Variants in OSBPL3 observed in about 807,000 individuals in gnomAD.
OSBPL3 encodes the protein oxysterol-binding protein-related protein 3.
A neutral mutation model predicts 120.1 loss-of-function variants in OSBPL3; 65 were observed. The observed-to-expected ratio is 0.54, with a 90% CI of 0.44 to 0.67. The LOEUF is 0.67. OSBPL3 is among the 30% of genes least tolerant of loss of function. OSBPL3 has a pLI of 0.00. For missense variants in OSBPL3, 1,004 were observed against 1,082.1 expected (o/e 0.93, Z 1.01); for synonymous variants, 416 against 402.6 (o/e 1.03, Z -0.40).
In OSBPL3 at chr7:24,796,812, A is replaced by G. The variant is rs1344669248; in HGVS notation, c.*3371T>C. 6.6e-6 allele frequency: 1 copy of G among 152,250 alleles called. No homozygotes were observed. The highest frequency in any genetic ancestry group is 2.4e-5 in the African/African-American group (1 of 41,468). The allele number at this position is 152,250 out of a possible 1,614,324, so 9.4% of individuals were successfully genotyped here. A position where few individuals can be genotyped will look rare whatever the true frequency, so the allele number is the denominator to read the frequency against. On this transcript the variant is annotated 3_prime_UTR_variant, in exon 23 of 23. Coordinates refer to ENST00000313367, the MANE Select transcript of OSBPL3 (RefSeq NM_015550.4). This position sits in a 1 kb window ranked among gnomAD's most constrained non-coding sequence, Gnocchi z 5.2. ...CACTTTAGACTGTCATGATTTGCAG[A>G]TATTTACATGACGCAGGTTTCCAAC... is the stretch of plus-strand genomic sequence containing the variant.
At chr7:24,905,640 G>C (rs1430695650) in intron 1 of OSBPL3, among the ~76,000 whole-genome samples, 1 of 152,164 alleles carries the variant, frequency 6.6e-6, no homozygotes, top group East Asian at 1.9e-4. Context: ...CACGCGTCCA[G>C]GGCTAAGAGT....
intron 2 of OSBPL3, among the ~76,000 whole-genome samples, chr7:24,878,476 C>G (rs796911482): frequency 2.6e-5 from 4 of 152,274 alleles, no homozygotes; most frequent in African/African-American, 9.6e-5. Context: ...AGATCTTCCA[C>G]GGCCTATTAA....
At position 24,834,744 on chromosome 7, in the gene OSBPL3, G is replaced by T. The variant is rs2128181599; in HGVS notation, c.1496-8C>A. On this transcript the variant is annotated splice_polypyrimidine_tract_variant and splice_region_variant and intron_variant, in intron 14 of 22. Transcript: ENST00000313367. The surrounding 1 kb of genome is among the most constrained non-coding windows in gnomAD (Gnocchi z 5.2). ...CACTATCAAGGACAGGCCCTGAAAGGGAAAGAGGCCTGGTTGTCTCTATAA... is the reference window on the plus strand; with the variant it reads ...CACTATCAAGGACAGGCCCTGAAAGTGAAAGAGGCCTGGTTGTCTCTATAA... The T allele has an allele frequency of 2.5e-6, 4 of 1,591,338 alleles. No individual in the cohort carries two copies. The highest frequency in any genetic ancestry group is 3.4e-6 in the Non-Finnish European group (4 of 1,171,752).
At chr7:24,923,409 T>TC (rs1810647882) in intron 1 of OSBPL3, among the ~76,000 whole-genome samples, 1 of 152,218 alleles carries the variant, frequency 6.6e-6, no homozygotes, top group South Asian at 2.1e-4. Flanking sequence ...CCAACCAGAT[T>TC]CCCTTCCTCA....
intron 1 of OSBPL3, among the ~76,000 whole-genome samples, chr7:24,931,885 C>T (rs1811838518): frequency 6.6e-6 from 1 of 152,144 alleles, no homozygotes; most frequent in Non-Finnish European, 1.5e-5. Flanking sequence ...GGTCCTGAGC[C>T]AGCAATATAT....
chr7:24,810,019 A>G, intron 19 of OSBPL3, 68 bp from the exon 20 acceptor site: 1 of 1,558,968 alleles, frequency 6.4e-7, no homozygotes, highest in Non-Finnish European at 8.8e-7. Flanking sequence ...AAGGAAAGAA[A>G]AAAGGAAAAG....
At position 24,803,289 on chromosome 7, in the gene OSBPL3, G is replaced by GT. The variant is rs950408190; in HGVS notation, c.2567+1025dup. On this transcript the variant is annotated intron_variant, in intron 22 of 22. Coordinates refer to ENST00000313367, the MANE Select transcript of OSBPL3 (RefSeq NM_015550.4). The surrounding 1 kb of genome is among the most constrained non-coding windows in gnomAD (Gnocchi z 4.2). ...TGCTTTTTCACATACACCTATTTAAGTTTTTTAAAAAAAGAAAACAGAAAA... is the reference window on the plus strand; with the variant it reads ...TGCTTTTTCACATACACCTATTTAAGTTTTTTTAAAAAAAGAAAACAGAAAA... 3.3e-5 allele frequency among the ~76,000 whole-genome samples: 5 copies of GT among 152,092 alleles called. No individual in the cohort carries two copies. Among genetic ancestry groups the GT allele is most frequent in the Non-Finnish European group, 7.4e-5 (5 of 68,020 alleles).
At chr7:24,903,089 T>C (rs1807307325) in intron 1 of OSBPL3, among the ~76,000 whole-genome samples, 1 of 152,248 alleles carries the variant, frequency 6.6e-6, no homozygotes, top group South Asian at 2.1e-4. Context: ...CAAGATGTTC[T>C]GGTACTGGTG....
intron 1 of OSBPL3, among the ~76,000 whole-genome samples, chr7:24,897,560 C>T (rs1806361167): frequency 1.3e-5 from 2 of 151,852 alleles, no homozygotes; most frequent in African/African-American, 2.4e-5. Context: ...CTCCTGACCT[C>T]GTGATCCGCC....
Position 24,955,665 on chromosome 7 carries a change from C to G in OSBPL3, c.-150+24221G>C, listed in dbSNP as rs1814959505. On this transcript the variant is annotated intron_variant, in intron 1 of 22. Coordinates refer to ENST00000313367, the MANE Select transcript of OSBPL3 (RefSeq NM_015550.4). This position sits in a 1 kb window ranked among gnomAD's most constrained non-coding sequence, Gnocchi z 4.3. ...ACCCCTGTCCCCTATACACTCTAACCTACTTATCCCTGCTTTAATGTTCTC... is the reference window on the plus strand; with the variant it reads ...ACCCCTGTCCCCTATACACTCTAACGTACTTATCCCTGCTTTAATGTTCTC... Among the ~76,000 whole-genome samples, 1 of 152,218 alleles carries G rather than the reference C, an allele frequency of 6.6e-6. No individual in the cohort carries two copies.
chr7:24,808,725 T>C lies in OSBPL3; in HGVS notation c.2317+1082A>G, dbSNP rs919620182. Among the ~76,000 whole-genome samples the C allele has an allele frequency of 1.1e-4, 16 of 152,242 alleles. No individual in the cohort carries two copies. Among genetic ancestry groups the C allele is most frequent in the African/African-American group, 2.2e-4 (9 of 41,464 alleles). ...TGTTCAAATGGCATTGTGCCCTTAC[T>C]GGGGATTAATCCAAGACATCTAAAT... On this transcript the variant is annotated intron_variant, in intron 20 of 22. Coordinates refer to ENST00000313367, the MANE Select transcript of OSBPL3 (RefSeq NM_015550.4). This position sits in a 1 kb window ranked among gnomAD's most constrained non-coding sequence, Gnocchi z 4.6.
chr7:24,834,334 G>A lies in OSBPL3; in HGVS notation c.1746+152C>T. 4 of 1,474,394 alleles carry A rather than the reference G, an allele frequency of 2.7e-6. No homozygotes were observed. The highest frequency in any genetic ancestry group is 3.6e-6 in the Non-Finnish European group (4 of 1,111,684). The allele number at this position is 1,474,394 out of a possible 1,614,324, so 91.3% of individuals were successfully genotyped here. A position where few individuals can be genotyped will look rare whatever the true frequency, so the allele number is the denominator to read the frequency against. ...GGTGACTGGAAACAGCCAGGCGGAG[G>A]AAGCCAGACAGCTCTGAGTAATGAA... On this transcript the variant is annotated intron_variant, in intron 15 of 22. Coordinates refer to ENST00000313367, the MANE Select transcript of OSBPL3 (RefSeq NM_015550.4). The surrounding 1 kb of genome is among the most constrained non-coding windows in gnomAD (Gnocchi z 5.2).
chr7:24,911,611 G>T (rs931738781), intron 1 of OSBPL3, among the ~76,000 whole-genome samples: 1 of 152,110 alleles, frequency 6.6e-6, no homozygotes, highest in African/African-American at 2.4e-5. Context: ...ATAACCCTGG[G>T]ACTCAGAATC....
chr7:24,846,334 G>A (rs1798445493), intron 12 of OSBPL3, among the ~76,000 whole-genome samples: 1 of 152,170 alleles, frequency 6.6e-6, no homozygotes, highest in Admixed American at 6.5e-5. Context: ...TATGTCTGGA[G>A]GAAGTTATTT....
intron 10 of OSBPL3, among the ~76,000 whole-genome samples, chr7:24,856,469 AAAG>A (rs1799855705): frequency 6.6e-6 from 1 of 152,150 alleles, no homozygotes; most frequent in African/African-American, 2.4e-5. Context: ...CAGCATCAGG[AAAG>A]AATAAGATCT....
rs976105686 is a variant in OSBPL3 at position 24,797,002 on chromosome 7, T to G, written c.*3181A>C. 1.3e-5 allele frequency: 2 copies of G among 152,248 alleles called. No homozygotes were observed. Among genetic ancestry groups the G allele is most frequent in the African/African-American group, 2.4e-5 (1 of 41,458 alleles). The allele number at this position is 152,248 out of a possible 1,614,324, so 9.4% of individuals were successfully genotyped here. On this transcript the variant is annotated 3_prime_UTR_variant, in exon 23 of 23. Transcript: ENST00000313367. The surrounding 1 kb of genome is among the most constrained non-coding windows in gnomAD (Gnocchi z 4.8). ...TATGCCAATACATTGGAACTATTAT[T>G]CCTAAGACCATAAGGACACCTTCTT...
chr7:24,803,871 T>C lies in OSBPL3; in HGVS notation c.2567+444A>G, dbSNP rs989549767. 2.6e-4 allele frequency among the ~76,000 whole-genome samples: 40 copies of C among 152,212 alleles called. No homozygotes were observed. Among genetic ancestry groups the C allele is most frequent in the African/African-American group, 7.5e-4 (31 of 41,462 alleles). ...CCCAAGTGTACTGGAACTTCTACAA[T>C]GCAAGAAACAGACTGCTTGGAATTT... On this transcript the variant is annotated intron_variant, in intron 22 of 22. Coordinates refer to ENST00000313367, the MANE Select transcript of OSBPL3 (RefSeq NM_015550.4). This position sits in a 1 kb window ranked among gnomAD's most constrained non-coding sequence, Gnocchi z 4.2.
rs192900120 is a variant in OSBPL3 at position 24,889,419 on chromosome 7, C to T, written c.96+2958G>A. Reference sequence around the variant, plus strand: ...TACTGCATTATTCACTTGAAATTGGCTATAAAAGTAGATCTTAAATGTTCT... The same window carrying T: ...TACTGCATTATTCACTTGAAATTGGTTATAAAAGTAGATCTTAAATGTTCT... On this transcript the variant is annotated intron_variant, in intron 2 of 22. Coordinates refer to ENST00000313367, the MANE Select transcript of OSBPL3 (RefSeq NM_015550.4). 9.2e-4 allele frequency among the ~76,000 whole-genome samples: 140 copies of T among 152,186 alleles called. 1 individual carries two copies. The highest frequency in any genetic ancestry group is 1.5e-3 in the Non-Finnish European group (101 of 68,010).
intron 1 of OSBPL3, among the ~76,000 whole-genome samples, chr7:24,950,566 C>T (rs577922661): frequency 2.0e-5 from 3 of 151,778 alleles, no homozygotes; most frequent in South Asian, 2.1e-4. Context: ...ACTAAAAATA[C>T]AAAAAATTAG....
Sources: gnomAD v4.1 joint callset for allele counts (sites outside exome capture counted in the v4.1 genomes callset) on GRCh38, gnomAD v4.1.1 for gene constraint, Gnocchi (gnomAD v3.1) non-coding constraint, MANE v1.5 for transcripts, NCBI Gene and HGNC (gene_info 2026-07-23, HGNC 2026-07-21) for gene names.